GNL3L: variants seen among roughly 807,000 people sequenced by gnomAD.
GNL3L encodes guanine nucleotide-binding protein-like 3-like protein.
GNL3L carries 4 observed loss-of-function variants against 42.9 expected under a neutral mutation model. That is an observed-to-expected ratio of 0.09 (90% confidence interval 0.05 to 0.21). The LOEUF is 0.21. Ranked by LOEUF, GNL3L falls within the 10% of genes least tolerant of loss-of-function variation. GNL3L has a pLI of 1.00. For missense variants in GNL3L, 412 were observed against 481.7 expected (o/e 0.86, Z 1.36); for synonymous variants, 159 against 176.3 (o/e 0.90, Z 0.78).
chrX:54,630,245 A>C, the GNL3L span, among the ~76,000 whole-genome samples: 1 of 108,842 alleles, frequency 9.2e-6, no homozygotes, highest in East Asian at 2.9e-4. Flanking sequence ...TTTTGTTAAA[A>C]TTTTATTTAG....
the GNL3L span, among the ~76,000 whole-genome samples, chrX:54,629,563 T>G: frequency 1.8e-5 from 2 of 112,338 alleles, no homozygotes; most frequent in Non-Finnish European, 3.8e-5. Flanking sequence ...GTATTACATT[T>G]ATTGACTTGT....
intron 16 of GNL3L, among the ~76,000 whole-genome samples, chrX:54,608,149 CTGTG>C (rs1926119989): frequency 9.0e-6 from 1 of 111,015 alleles, no homozygotes; most frequent in Non-Finnish European, 1.9e-5. Context: ...AGGGGGAGTG[CTGTG>C]TGTATTGGGA....
At position 54,558,893 on chromosome X, in the gene GNL3L, G is replaced by A. The variant is rs188980713; in HGVS notation, c.1666+238G>A. Among the ~76,000 whole-genome samples the A allele has an allele frequency of 9.6e-4, 108 of 111,965 alleles. No individual in the cohort carries two copies. The Middle Eastern group carries it at 0.014, about 14-fold the overall frequency. On this transcript the variant is annotated intron_variant, in intron 15 of 15. Transcript: ENST00000360845. The stretch of plus-strand genomic sequence containing the variant: ...GCTGGTCTCAAACTCCTGACCTCAG[G>A]TGATCCACTTGCCTCGGCCTTCCAA...
At chrX:54,550,636 A>G (rs1157305238) in intron 9 of GNL3L, among the ~76,000 whole-genome samples, 2 of 111,668 alleles carry the variant, frequency 1.8e-5, no homozygotes, top group Non-Finnish European at 3.8e-5. Flanking sequence ...TGTTTCTTAG[A>G]CATTTCTCGA....
chrX:54,541,349 G>T lies in GNL3L; in HGVS notation c.266G>T (p.Cys89Phe), dbSNP rs1395849991. The T allele has an allele frequency of 8.3e-7, 1 of 1,206,156 alleles. No homozygotes were observed. Among genetic ancestry groups the T allele is most frequent in the South Asian group, 1.8e-5 (1 of 56,868 alleles). Residue 89 changes from cysteine to phenylalanine, a missense_variant, in exon 5 of 16, where the codon TGT becomes TTT. Physicochemically the swap from Cys to Phe is radical, Grantham distance 205. Transcript: ENST00000360845. The part of the protein sequence containing the change: ...RQKRRTIESY[C>F]QDVLRRQEEF... Reference sequence around the variant, plus strand: ...AAACGCAGGACCATTGAGAGCTACTGTCAGGATGTCCTAAGACGCCAGGAG... The same window carrying T: ...AAACGCAGGACCATTGAGAGCTACTTTCAGGATGTCCTAAGACGCCAGGAG...
chrX:54,572,660 TG>T (rs1247730491), intron 16 of GNL3L, among the ~76,000 whole-genome samples: 1 of 102,812 alleles, frequency 9.7e-6, no homozygotes, highest in African/African-American at 3.6e-5. Flanking sequence ...CCCTCCCGGA[TG>T]GGCGGCTGGC....
chrX:54,606,977 CTTTCT>C (rs2147530316), intron 16 of GNL3L, among the ~76,000 whole-genome samples: 1 of 85,187 alleles, frequency 1.2e-5, no homozygotes, highest in Non-Finnish European at 2.0e-5. Flanking sequence ...GAAGATTTTT[CTTTCT>C]TTCCTTTCCT....
chrX:54,551,902 T>C lies in GNL3L; in HGVS notation c.1109T>C (p.Leu370Ser). 6.6e-6 allele frequency: 8 copies of C among 1,211,064 alleles called. No homozygotes were observed. Among genetic ancestry groups the C allele is most frequent in the Non-Finnish European group, 8.9e-6 (8 of 894,768 alleles). ...EHFLTAVAHR[L>S]GKKKKGGLYS... Reference sequence around the variant, plus strand: ...TTTCTGACGGCAGTGGCCCACCGTTTGGGGAAGAAGAAGAAGGGAGGCTTA... The same window carrying C: ...TTTCTGACGGCAGTGGCCCACCGTTCGGGGAAGAAGAAGAAGGGAGGCTTA... The change falls in exon 12 of 16, where the codon TTG (leucine) becomes TCG (serine). Residue 370 changes from leucine to serine, a missense_variant. Leu to Ser is a moderately radical substitution (Grantham distance 145). Coordinates refer to ENST00000360845, the MANE Select transcript of GNL3L (RefSeq NM_001184819.2).
In GNL3L at chrX:54,561,691, G is replaced by A. The variant is rs970810800; in HGVS notation, c.*1089G>A. 1.8e-5 allele frequency among the ~76,000 whole-genome samples: 2 copies of A among 112,048 alleles called. No individual in the cohort carries two copies. Among genetic ancestry groups the A allele is most frequent in the African/African-American group, 6.5e-5 (2 of 30,833 alleles). ...TGTGACCATGTCTCCTATTGCACCA[G>A]CATTTGAATTCCATGGCTCAAGAGG... On this transcript the variant is annotated 3_prime_UTR_variant, in exon 16 of 16. Transcript: ENST00000360845.
chrX:54,579,306 TCTC>T (rs768529635), intron 16 of GNL3L, among the ~76,000 whole-genome samples: 58 of 112,201 alleles, frequency 5.2e-4, no homozygotes, highest in Non-Finnish European at 9.2e-4. Context: ...ACAATTATAT[TCTC>T]CTATGTTTTT....
the GNL3L span, among the ~76,000 whole-genome samples, chrX:54,638,821 G>A: frequency 8.6e-4 from 96 of 111,887 alleles, 2 homozygotes; most frequent in East Asian, 0.025. Flanking sequence ...TCAATTTTTC[G>A]TTATTGCCAA....
chrX:54,594,025 A>G (rs1173461580), intron 16 of GNL3L, among the ~76,000 whole-genome samples: 4 of 112,055 alleles, frequency 3.6e-5, no homozygotes, highest in African/African-American at 1.3e-4. Flanking sequence ...AACATAACAT[A>G]TGGTCTATCC....
At chrX:54,577,838 C>T (rs1925657082) in intron 16 of GNL3L, among the ~76,000 whole-genome samples, 1 of 110,489 alleles carries the variant, frequency 9.1e-6, no homozygotes, top group Non-Finnish European at 1.9e-5. Flanking sequence ...ATTCCCCAGG[C>T]TCAGGTGGTC....
chrX:54,536,492 A>G (rs1320681869), intron 2 of GNL3L, among the ~76,000 whole-genome samples: 3 of 110,514 alleles, frequency 2.7e-5, no homozygotes, highest in Non-Finnish European at 3.8e-5. Context: ...TTTATCCAAA[A>G]GGAAACACAG....
chrX:54,597,078 C>T (rs1390206450), intron 16 of GNL3L, among the ~76,000 whole-genome samples: 1 of 111,210 alleles, frequency 9.0e-6, no homozygotes, highest in East Asian at 2.8e-4. Context: ...ACAAAGTCCC[C>T]TTTACTTTTC....
intron 16 of GNL3L, among the ~76,000 whole-genome samples, chrX:54,581,803 ATTCATCTGTTG>A (rs1243214540): frequency 2.7e-5 from 3 of 111,961 alleles, no homozygotes; most frequent in Non-Finnish European, 5.6e-5. Flanking sequence ...TAGCTTAACC[ATTCATCTGTTG>A]AAGGACATTA....
chrX:54,577,264 T>C (rs911372059), intron 16 of GNL3L, among the ~76,000 whole-genome samples: 2 of 112,266 alleles, frequency 1.8e-5, no homozygotes, highest in Non-Finnish European at 3.8e-5. Context: ...TCATACCCCA[T>C]TGTATATGTA....
intron 16 of GNL3L, among the ~76,000 whole-genome samples, chrX:54,610,450 C>A (rs933846063): frequency 3.6e-5 from 4 of 111,397 alleles, no homozygotes; most frequent in African/African-American, 1.3e-4. Context: ...GGAATGCTTT[C>A]AACTTTTCCC....
At chrX:54,582,010 G>T (rs931187877) in intron 16 of GNL3L, among the ~76,000 whole-genome samples, 1 of 112,014 alleles carries the variant, frequency 8.9e-6, no homozygotes, top group African/African-American at 3.2e-5. Flanking sequence ...TCCAGAGTAG[G>T]TGCTGTCATT....
Sources: allele counts gnomAD v4.1 joint callset (sites outside exome capture counted in the v4.1 genomes callset), GRCh38; gene constraint gnomAD v4.1.1; transcripts MANE v1.5; gene names NCBI Gene and HGNC (gene_info 2026-07-23, HGNC 2026-07-21).